GABRG3: variants seen among roughly 807,000 people sequenced by gnomAD.
GABRG3 encodes gamma-aminobutyric acid type A receptor subunit gamma3, also known as gamma-aminobutyric acid receptor subunit gamma-3.
GABRG3 carries 25 observed loss-of-function variants against 48.8 expected under a neutral mutation model. The observed-to-expected ratio is 0.51, with a 90% CI of 0.37 to 0.72. The LOEUF (loss-of-function observed/expected upper bound fraction) is 0.72, where lower values mean the gene tolerates loss of function less well. Among genes scored for constraint, GABRG3 ranks in the 30% least tolerant of loss-of-function variants. GABRG3 has a pLI of 0.00. For missense variants in GABRG3, 394 were observed against 577.9 expected (o/e 0.68, Z 3.26); for synonymous variants, 227 against 217.6 (o/e 1.04, Z -0.38).
chr15:27,486,879 G>A (rs1890233543), intron 6 of GABRG3, among the ~76,000 whole-genome samples: 1 of 152,148 alleles, frequency 6.6e-6, no homozygotes, highest in South Asian at 2.1e-4. Context: ...TAAACCAGCT[G>A]CCAGCATTTT....
At chr15:27,417,326 G>A (rs1376186858) in intron 5 of GABRG3, among the ~76,000 whole-genome samples, 1 of 152,180 alleles carries the variant, frequency 6.6e-6, no homozygotes, top group African/African-American at 2.4e-5. Flanking sequence ...TAATGTGGGT[G>A]ACACTCATCC....
intron 3 of GABRG3, among the ~76,000 whole-genome samples, chr15:27,159,474 T>C (rs532681080): frequency 6.6e-6 from 1 of 151,614 alleles, no homozygotes; most frequent in Non-Finnish European, 1.5e-5. Flanking sequence ...AGAGTGAGAC[T>C]CCATCTTAAA....
rs1031708860 is a variant in GABRG3, at chr15:27,457,835, C to T, written c.575-22815C>T. Among the ~76,000 whole-genome samples the T allele has an allele frequency of 6.6e-6, 1 of 152,208 alleles. No homozygotes were observed. Among genetic ancestry groups the T allele is most frequent in the African/African-American group, 2.4e-5 (1 of 41,448 alleles). ...TTGTCAAAGCACCTGTGCAGTGACT[C>T]CCACTCAGGGAAACCATCAGCTTTC... On this transcript the variant is annotated intron_variant, in intron 5 of 9. Coordinates refer to ENST00000615808, the MANE Select transcript of GABRG3 (RefSeq NM_033223.5). This position sits in a 1 kb window ranked among gnomAD's most constrained non-coding sequence, Gnocchi z 4.4.
intron 3 of GABRG3, among the ~76,000 whole-genome samples, chr15:27,101,071 AAT>A (rs1897347945): frequency 6.6e-6 from 1 of 152,178 alleles, no homozygotes; most frequent in African/African-American, 2.4e-5. Context: ...AGTCACAAGG[AAT>A]CTACCAGATA....
At chr15:27,145,149 AATAAGGAATG>A in intron 3 of GABRG3, among the ~76,000 whole-genome samples, 1 of 152,040 alleles carries the variant, frequency 6.6e-6, no homozygotes, top group Non-Finnish European at 1.5e-5. Flanking sequence ...TACAGGGAAA[AATAAGGAATG>A]AACCATATAC....
intron 3 of GABRG3, among the ~76,000 whole-genome samples, chr15:27,031,051 TAC>T (rs1334229454): frequency 8.5e-6 from 1 of 118,190 alleles, no homozygotes; most frequent in Non-Finnish European, 1.7e-5. Flanking sequence ...TATTTTCCTC[TAC>T]ACACACACAG....
At chr15:27,210,629 G>A (rs1889048211) in intron 3 of GABRG3, among the ~76,000 whole-genome samples, 1 of 152,214 alleles carries the variant, frequency 6.6e-6, no homozygotes, top group Non-Finnish European at 1.5e-5. Flanking sequence ...CAGAGTGCAT[G>A]CAGACAGCAG....
At chr15:27,144,385 TGTC>T (rs1898159769) in intron 3 of GABRG3, among the ~76,000 whole-genome samples, 1 of 152,166 alleles carries the variant, frequency 6.6e-6, no homozygotes, top group Admixed American at 6.5e-5. Flanking sequence ...CTTAGAGTAT[TGTC>T]ATTATTCAAA....
At chr15:27,010,731 A>G (rs1895669370) in intron 2 of GABRG3, among the ~76,000 whole-genome samples, 1 of 152,232 alleles carries the variant, frequency 6.6e-6, no homozygotes, top group African/African-American at 2.4e-5. Context: ...GATGTGGGAC[A>G]TGCTCAGTTT....
intron 3 of GABRG3, among the ~76,000 whole-genome samples, chr15:27,283,443 T>C (rs1023975384): frequency 2.0e-5 from 3 of 152,030 alleles, no homozygotes; most frequent in African/African-American, 7.2e-5. Flanking sequence ...ATCTCTACTA[T>C]AAATACAAAA....
intron 7 of GABRG3, among the ~76,000 whole-genome samples, chr15:27,524,248 T>C (rs1191284440): frequency 3.9e-5 from 6 of 152,044 alleles, no homozygotes; most frequent in Non-Finnish European, 1.5e-5. Context: ...TGAATGGAAA[T>C]AATAGTCAAC....
intron 5 of GABRG3, among the ~76,000 whole-genome samples, chr15:27,427,002 C>T (rs1888312069): frequency 6.6e-6 from 1 of 152,100 alleles, no homozygotes; most frequent in South Asian, 2.1e-4. Context: ...CTCTGAATGA[C>T]AACCAAACAT....
intron 5 of GABRG3, among the ~76,000 whole-genome samples, chr15:27,399,006 G>A (rs1223905781): frequency 1.3e-5 from 2 of 152,108 alleles, no homozygotes; most frequent in Non-Finnish European, 2.9e-5. Flanking sequence ...GCTTCCCACC[G>A]TCAGAGCAAT....
At chr15:27,494,355 C>G (rs1018263723) in intron 6 of GABRG3, among the ~76,000 whole-genome samples, 1 of 152,002 alleles carries the variant, frequency 6.6e-6, no homozygotes, top group African/African-American at 2.4e-5. Flanking sequence ...ATTCTGGCCT[C>G]ATAAAATGAA....
intron 3 of GABRG3, among the ~76,000 whole-genome samples, chr15:27,200,522 A>G (rs374793822): frequency 8.5e-5 from 13 of 152,170 alleles, no homozygotes; most frequent in Non-Finnish European, 1.6e-4. Flanking sequence ...CCCCAGACAC[A>G]TTACTGAATA....
intron 2 of GABRG3, among the ~76,000 whole-genome samples, chr15:27,016,716 C>T (rs532894843): frequency 2.9e-4 from 44 of 152,186 alleles, no homozygotes; most frequent in African/African-American, 1.0e-3. Flanking sequence ...CTTTTAAATT[C>T]GCATAATGCA....
At chr15:27,056,896 C>T (rs1896558239) in intron 3 of GABRG3, among the ~76,000 whole-genome samples, 1 of 152,296 alleles carries the variant, frequency 6.6e-6, no homozygotes, top group Non-Finnish European at 1.5e-5. Context: ...AGCACCTTCT[C>T]ATCATCTAGT....
intron 7 of GABRG3, among the ~76,000 whole-genome samples, chr15:27,523,146 A>G (rs1368195058): frequency 6.6e-6 from 1 of 151,916 alleles, no homozygotes; most frequent in Admixed American, 6.5e-5. Flanking sequence ...TGTTAGGATT[A>G]TATTAGATTA....
chr15:27,055,722 T>C (rs1896534063), intron 3 of GABRG3, among the ~76,000 whole-genome samples: 2 of 152,146 alleles, frequency 1.3e-5, no homozygotes, highest in Non-Finnish European at 2.9e-5. Context: ...AAATATGAAA[T>C]AATCTGAGAT....
Sources: allele counts gnomAD v4.1 joint callset (sites outside exome capture counted in the v4.1 genomes callset), GRCh38; gene constraint gnomAD v4.1.1; non-coding constraint Gnocchi (gnomAD v3.1); transcripts MANE v1.5; gene names NCBI Gene and HGNC (gene_info 2026-07-23, HGNC 2026-07-21).